LGSN: variants seen among roughly 807,000 people sequenced by gnomAD.
LGSN encodes lengsin.
Under a neutral mutation model 19.5 loss-of-function variants are expected in LGSN, and 21 were observed. That is an observed-to-expected ratio of 1.07 (90% CI 0.76 to 1.55). The LOEUF is 1.55. Ranked by LOEUF, LGSN falls within the 40% of genes most tolerant of loss-of-function variation. The probability of loss-of-function intolerance (pLI) is 0.00; values close to 1 mark genes in which losing one functional copy is unlikely to be tolerated. For missense variants in LGSN, 673 were observed against 608.5 expected (o/e 1.11, Z -1.12); for synonymous variants, 257 against 215.6 (o/e 1.19, Z -1.68).
chr6:63,525,967 TC>T, the LGSN span, among the ~76,000 whole-genome samples: 1 of 152,170 alleles, frequency 6.6e-6, no homozygotes, highest in Non-Finnish European at 1.5e-5. Context: ...GTTTAAACCT[TC>T]TTTCGGTACC....
At chr6:63,334,406 A>G in the LGSN span, among the ~76,000 whole-genome samples, 1 of 152,186 alleles carries the variant, frequency 6.6e-6, no homozygotes, top group African/African-American at 2.4e-5. Flanking sequence ...AACCTATTAG[A>G]TAGAAGATAT....
At position 63,281,090 on chromosome 6, in the gene LGSN, G is replaced by C. The variant is rs778055480; in HGVS notation, c.461C>G (p.Ser154Ter). 3.1e-6 allele frequency: 5 copies of C among 1,613,890 alleles called. No homozygotes were observed. The highest frequency in any genetic ancestry group is 4.2e-6 in the Non-Finnish European group (5 of 1,179,974). Residue 154 changes from serine (S) to a stop codon, truncating the protein, a stop_gained, in exon 4 of 4, where the codon TCA becomes TGA. Transcript: ENST00000370657. LOFTEE classifies it low-confidence loss of function (END_TRUNC). ...AGCCCATGGCAAAACTCTAAAGGTT[G>C]ATAACTCTGGCATTAGGACTATGTC... Reference protein sequence around the residue: ...NSDIVLMPELSTFRVLPWADR... With the variant: ...NSDIVLMPEL
chr6:63,327,239 G>A, the LGSN span, among the ~76,000 whole-genome samples: 1 of 152,176 alleles, frequency 6.6e-6, no homozygotes, highest in Non-Finnish European at 1.5e-5. Flanking sequence ...AAAACCATCT[G>A]TAGCTTGATG....
chr6:63,433,117 T>C, the LGSN span, among the ~76,000 whole-genome samples: 2 of 151,722 alleles, frequency 1.3e-5, no homozygotes, highest in East Asian at 3.9e-4. Context: ...AACACCCCCA[T>C]GTATAAGCCT....
chr6:63,325,885 G>A, the LGSN span, among the ~76,000 whole-genome samples: 2 of 152,182 alleles, frequency 1.3e-5, no homozygotes, highest in African/African-American at 4.8e-5. Flanking sequence ...AGCTTCCACA[G>A]TGTGGAAGGG....
chr6:63,530,837 T>C, the LGSN span, among the ~76,000 whole-genome samples: 11 of 152,174 alleles, frequency 7.2e-5, no homozygotes, highest in African/African-American at 2.7e-4. Context: ...AATAAAGTAG[T>C]ACCTTAAAAC....
At chr6:63,350,966 C>T in the LGSN span, among the ~76,000 whole-genome samples, 1 of 152,052 alleles carries the variant, frequency 6.6e-6, no homozygotes, top group Admixed American at 6.5e-5. Flanking sequence ...AAACTATTTA[C>T]AGTGCTATAT....
chr6:63,285,202 C>T (rs1339904458), intron 3 of LGSN, among the ~76,000 whole-genome samples: 1 of 152,128 alleles, frequency 6.6e-6, no homozygotes, highest in African/African-American at 2.4e-5. Context: ...TCTATTTAAT[C>T]ATTTTTTCCT....
the LGSN span, among the ~76,000 whole-genome samples, chr6:63,332,224 C>T: frequency 1.3e-5 from 2 of 152,002 alleles, no homozygotes; most frequent in East Asian, 3.9e-4. Context: ...GTAACAGAGT[C>T]CTGGAATTTA....
chr6:63,275,964 T>C lies in LGSN; in HGVS notation c.*4057A>G, dbSNP rs1561999133. The C allele has an allele frequency of 6.6e-6, 1 of 152,248 alleles. No individual in the cohort carries two copies. The highest frequency in any genetic ancestry group is 1.5e-5 in the Non-Finnish European group (1 of 68,046). 9.4% of individuals were successfully genotyped at this position (152,248 alleles called of 1,614,324 possible). ...TTAATGCAAATGTAAGTAAGATCTG[T>C]ACCTTTTATTCTGAGAATTCACATC... On this transcript the variant is annotated 3_prime_UTR_variant, in exon 4 of 4. Transcript: ENST00000370657.
chr6:63,542,411 A>G, the LGSN span, among the ~76,000 whole-genome samples: 1 of 152,014 alleles, frequency 6.6e-6, no homozygotes, highest in Non-Finnish European at 1.5e-5. Context: ...CCTGTTCCCC[A>G]ATAACCTATG....
the LGSN span, among the ~76,000 whole-genome samples, chr6:63,524,847 G>C: frequency 6.6e-6 from 1 of 152,142 alleles, no homozygotes; most frequent in East Asian, 1.9e-4. Flanking sequence ...CATTATATGT[G>C]AATGCGAGAT....
the LGSN span, among the ~76,000 whole-genome samples, chr6:63,415,134 A>G: frequency 6.6e-6 from 1 of 151,988 alleles, no homozygotes. Context: ...AGCCTGAGCA[A>G]CATGGAGAAA....
intron 1 of LGSN, among the ~76,000 whole-genome samples, chr6:63,298,245 T>G (rs1307750139): frequency 2.0e-5 from 3 of 152,192 alleles, no homozygotes; most frequent in African/African-American, 7.2e-5. Context: ...GGATCATGGG[T>G]AAGTTGTCTC....
the LGSN span, among the ~76,000 whole-genome samples, chr6:63,388,566 C>T: frequency 7.2e-5 from 11 of 152,114 alleles, no homozygotes; most frequent in African/African-American, 1.7e-4. Flanking sequence ...AGGGAGAAGA[C>T]GGCCATTGAC....
the LGSN span, chr6:63,528,150 C>T: frequency 1.3e-5 from 2 of 152,184 alleles, no homozygotes; most frequent in African/African-American, 4.8e-5. Flanking sequence ...TGCTGGGTAA[C>T]CCACTCCTAC....
the LGSN span, among the ~76,000 whole-genome samples, chr6:63,408,033 T>G: frequency 6.6e-6 from 1 of 152,062 alleles, no homozygotes; most frequent in Non-Finnish European, 1.5e-5. Context: ...TAAAAGAGGA[T>G]ACAAGGAAAT....
the LGSN span, among the ~76,000 whole-genome samples, chr6:63,476,891 C>T: frequency 2.6e-5 from 4 of 152,226 alleles, no homozygotes; most frequent in African/African-American, 7.2e-5. Context: ...TCATCATAAA[C>T]ACTTTTTCAT....
At chr6:63,387,590 A>T in the LGSN span, among the ~76,000 whole-genome samples, 1 of 152,214 alleles carries the variant, frequency 6.6e-6, no homozygotes, top group African/African-American at 2.4e-5. Flanking sequence ...AAAATATTTT[A>T]TCATGGATTA....
Sources: allele counts gnomAD v4.1 joint callset (sites outside exome capture counted in the v4.1 genomes callset), GRCh38; gene constraint gnomAD v4.1.1; transcripts MANE v1.5; gene names NCBI Gene and HGNC (gene_info 2026-07-23, HGNC 2026-07-21).